TMEM132D: variants seen among roughly 807,000 people sequenced by gnomAD.
TMEM132D encodes transmembrane protein 132D.
TMEM132D carries 21 observed loss-of-function variants against 62.3 expected under a neutral mutation model. The ratio of observed to expected loss-of-function variants is 0.34; its 90% CI spans 0.24 to 0.49. TMEM132D has a LOEUF of 0.49. TMEM132D is among the 20% of genes least tolerant of loss of function. The pLI is 0.99. For synonymous variants in TMEM132D, 621 were observed against 575.6 expected (o/e 1.08, Z -1.13); for missense variants, 1,346 against 1,402.8 (o/e 0.96, Z 0.65).
At chr12:129,310,792 C>G (rs4760047) in intron 4 of TMEM132D, among the ~76,000 whole-genome samples, 111,395 of 152,000 alleles carry the variant, frequency 0.73, 41,065 homozygotes, top group Middle Eastern at 0.85. Context: ...TTAATGAGCA[C>G]TCTGCACACC....
intron 4 of TMEM132D, among the ~76,000 whole-genome samples, chr12:129,324,352 A>G (rs1484714977): frequency 2.0e-5 from 3 of 152,220 alleles, no homozygotes; most frequent in African/African-American, 7.2e-5. Flanking sequence ...TTTGAATTTG[A>G]AAAGGTCCTA....
intron 1 of TMEM132D, among the ~76,000 whole-genome samples, chr12:129,720,084 A>T (rs1868764496): frequency 6.6e-6 from 1 of 152,206 alleles, no homozygotes; most frequent in Non-Finnish European, 1.5e-5. Flanking sequence ...CATGTCAGAC[A>T]CACAACACAC....
At chr12:129,624,205 T>C (rs1463244242) in intron 2 of TMEM132D, among the ~76,000 whole-genome samples, 1 of 152,228 alleles carries the variant, frequency 6.6e-6, no homozygotes, top group African/African-American at 2.4e-5. Flanking sequence ...ATAAGCTGTT[T>C]ACACTTTTTC....
chr12:129,593,120 T>C (rs1878239923), intron 2 of TMEM132D, among the ~76,000 whole-genome samples: 1 of 131,456 alleles, frequency 7.6e-6, no homozygotes, highest in Non-Finnish European at 1.7e-5. Context: ...CTAATCACTC[T>C]GGGGAAAAAA....
intron 1 of TMEM132D, among the ~76,000 whole-genome samples, chr12:129,784,911 T>C (rs1344013519): frequency 6.6e-6 from 1 of 152,194 alleles, no homozygotes; most frequent in Non-Finnish European, 1.5e-5. Flanking sequence ...CACAGCTTTC[T>C]GTCTAACCTC....
At chr12:129,375,835 C>T (rs1870765448) in intron 3 of TMEM132D, among the ~76,000 whole-genome samples, 1 of 152,166 alleles carries the variant, frequency 6.6e-6, no homozygotes, top group Admixed American at 6.5e-5. Context: ...AACTGTGGTT[C>T]TCAGCTCACT....
At position 129,210,546 on chromosome 12, in the gene TMEM132D, C is replaced by G. The variant is rs557400939; in HGVS notation, c.1300-883G>C. Among the ~76,000 whole-genome samples the G allele has an allele frequency of 2.0e-5, 3 of 152,280 alleles. No homozygotes were observed. In the South Asian group the frequency reaches 6.2e-4, roughly 32 times the overall value. ...GTGTCTTTAGGGATGTCCCGGCTTGCCCCAAGTATTTGCTTTCAGAATTAA... is the reference window on the plus strand; with the variant it reads ...GTGTCTTTAGGGATGTCCCGGCTTGGCCCAAGTATTTGCTTTCAGAATTAA... On this transcript the variant is annotated intron_variant, in intron 4 of 8. Coordinates refer to ENST00000422113, the MANE Select transcript of TMEM132D (RefSeq NM_133448.3).
chr12:129,834,579 C>T (rs1872942835), intron 1 of TMEM132D, among the ~76,000 whole-genome samples: 1 of 152,200 alleles, frequency 6.6e-6, no homozygotes. Context: ...AATAAAGCCG[C>T]TTTCCTTCCA....
intron 2 of TMEM132D, among the ~76,000 whole-genome samples, chr12:129,615,367 G>C (rs1418996379): frequency 6.6e-6 from 1 of 151,974 alleles, no homozygotes; most frequent in Non-Finnish European, 1.5e-5. Context: ...GTTACAAAAG[G>C]AGGGTTTTCA....
intron 1 of TMEM132D, among the ~76,000 whole-genome samples, chr12:129,807,865 A>G (rs1457274241): frequency 6.6e-6 from 1 of 152,188 alleles, no homozygotes; most frequent in African/African-American, 2.4e-5. Flanking sequence ...GCTATCTGAG[A>G]TGGCGCCCTG....
At chr12:129,084,426 A>G in intron 6 of TMEM132D, 71 bp downstream of exon 6, 1 of 1,444,412 alleles carries the variant, frequency 6.9e-7, no homozygotes, top group Non-Finnish European at 9.2e-7. Flanking sequence ...CCTCAGACCC[A>G]GTCATGCCCA....
chr12:129,751,158 C>T (rs942369901), intron 1 of TMEM132D, among the ~76,000 whole-genome samples: 3 of 152,018 alleles, frequency 2.0e-5, no homozygotes, highest in African/African-American at 7.3e-5. Context: ...TGGTAATTTA[C>T]AGAGAAAAGA....
At chr12:129,379,152 GTTTA>G (rs1870865129) in intron 3 of TMEM132D, among the ~76,000 whole-genome samples, 2 of 152,136 alleles carry the variant, frequency 1.3e-5, no homozygotes, top group African/African-American at 2.4e-5. Flanking sequence ...TTTCAGTACT[GTTTA>G]TTTGAGATCT....
At chr12:129,286,178 C>A (rs940795792) in intron 4 of TMEM132D, among the ~76,000 whole-genome samples, 1 of 152,162 alleles carries the variant, frequency 6.6e-6, no homozygotes, top group African/African-American at 2.4e-5. Flanking sequence ...GAGTTTCAGA[C>A]ATACCAGCCT....
chr12:129,893,495 C>T (rs560498092), intron 1 of TMEM132D, among the ~76,000 whole-genome samples: 319 of 141,350 alleles, frequency 2.3e-3, no homozygotes, highest in Admixed American at 3.6e-3. Flanking sequence ...GCCACAGAGA[C>T]AGGCACATCC....
chr12:129,590,453 T>C (rs1878157040), intron 2 of TMEM132D, among the ~76,000 whole-genome samples: 1 of 152,222 alleles, frequency 6.6e-6, no homozygotes. Flanking sequence ...TACTGTTAAG[T>C]GGCAAATGCT....
At chr12:129,842,007 T>G (rs1873208506) in intron 1 of TMEM132D, among the ~76,000 whole-genome samples, 1 of 149,990 alleles carries the variant, frequency 6.7e-6, no homozygotes, top group South Asian at 2.1e-4. Flanking sequence ...CTCGGCTCAC[T>G]GCAAGCTCTG....
chr12:129,797,722 G>C (rs903365571), intron 1 of TMEM132D, among the ~76,000 whole-genome samples: 2 of 152,214 alleles, frequency 1.3e-5, no homozygotes, highest in African/African-American at 4.8e-5. Flanking sequence ...TTTGCCAACA[G>C]ACATGTCCCT....
At chr12:129,449,685 G>A (rs1873210176) in intron 3 of TMEM132D, among the ~76,000 whole-genome samples, 1 of 152,180 alleles carries the variant, frequency 6.6e-6, no homozygotes, top group Admixed American at 6.5e-5. Context: ...GTCTCATTGT[G>A]TGAAAAATCT....
Sources: allele counts gnomAD v4.1 joint callset (sites outside exome capture counted in the v4.1 genomes callset), GRCh38; gene constraint gnomAD v4.1.1; transcripts MANE v1.5; gene names NCBI Gene and HGNC (gene_info 2026-07-23, HGNC 2026-07-21).